The following RAI1 variants were observed in gnomAD, a reference collection of about 807,000 sequenced individuals.
The protein encoded by RAI1 is retinoic acid-induced protein 1.
Under a neutral mutation model 123.8 loss-of-function variants are expected in RAI1, and 9 were observed. The ratio of observed to expected loss-of-function variants is 0.07; its 90% confidence interval spans 0.04 to 0.13. The LOEUF is 0.13. RAI1 is among the 10% of genes least tolerant of loss of function. The pLI is 1.00. For missense variants in RAI1, 2,256 were observed against 2,545.8 expected (o/e 0.89, Z 2.45); for synonymous variants, 1,231 against 1,127.3 (o/e 1.09, Z -1.84).
intron 4 of RAI1, among the ~76,000 whole-genome samples, chr17:17,805,104 G>A (rs933740736): frequency 5.3e-4 from 81 of 152,132 alleles, no homozygotes; most frequent in African/African-American, 1.9e-3. Context: ...CTCGTGATCC[G>A]CCCGCCTCAG....
chr17:17,804,510 G>T (rs2143005331), intron 4 of RAI1, among the ~76,000 whole-genome samples: 1 of 152,322 alleles, frequency 6.6e-6, no homozygotes, highest in East Asian at 1.9e-4. Flanking sequence ...TATCGACCAG[G>T]TGGGGAAACT....
At chr17:17,765,682 C>T (rs1297338731) in intron 2 of RAI1, 2 of 152,352 alleles carry the variant, frequency 1.3e-5, no homozygotes, top group South Asian at 4.1e-4. Flanking sequence ...GAAGACGGCC[C>T]ATCTTTTAAG....
chr17:17,692,031 C>T (rs1914854046), intron 1 of RAI1, among the ~76,000 whole-genome samples: 1 of 152,204 alleles, frequency 6.6e-6, no homozygotes, highest in Non-Finnish European at 1.5e-5. Flanking sequence ...CCCGAAATAG[C>T]ACTAAAACAG....
chr17:17,688,725 G>A lies in RAI1; in HGVS notation c.-149+6932G>A, dbSNP rs142767819. Among the ~76,000 whole-genome samples, 477 of 147,076 alleles carry A rather than the reference G, an allele frequency of 3.2e-3. 6 individuals are homozygous for A. The highest frequency in any genetic ancestry group is 0.027 in the East Asian group (126 of 4,750). ...ATTGATTCTCCTGCCTCAGCCTCCC[G>A]AGTAGCTGGGACTACAGGTGTGCGC... is the stretch of plus-strand genomic sequence containing the variant. On this transcript the variant is annotated intron_variant, in intron 1 of 5. Transcript: ENST00000353383.
At chr17:17,724,406 C>CTTTTTTT (rs771760855) in intron 2 of RAI1, among the ~76,000 whole-genome samples, 2 of 103,758 alleles carry the variant, frequency 1.9e-5, no homozygotes, top group African/African-American at 3.9e-5. Flanking sequence ...TCTTTCTTTC[C>CTTTTTTT]TTTTTTTTTT....
chr17:17,693,059 G>A (rs562631344), intron 1 of RAI1, among the ~76,000 whole-genome samples: 38 of 152,380 alleles, frequency 2.5e-4, no homozygotes, highest in African/African-American at 8.7e-4. Context: ...CGCTCAGGCT[G>A]TGTAGGGCTT....
rs772094366 is a variant in RAI1, at chr17:17,798,436, G to A, written c.5488G>A (p.Val1830Met). Residue 1830 changes from valine to methionine, a missense_variant, in exon 3 of 6, where the codon GTG (valine) becomes ATG (methionine). Val to Met is a conservative substitution (Grantham distance 21). Transcript: ENST00000353383. ...QEHWVHEACA[V>M]WTGGVYLVAG... ...GCACTGGGTGCATGAGGCCTGTGCC[G>A]TGTGGACCGGCGGCGTCTACCTGGT... 4.3e-6 allele frequency: 7 copies of A among 1,609,888 alleles called. No homozygotes were observed. The highest frequency in any genetic ancestry group is 1.1e-5 in the South Asian group (1 of 90,926).
At chr17:17,792,559 G>A (rs2032054620) in intron 2 of RAI1, among the ~76,000 whole-genome samples, 2 of 141,432 alleles carry the variant, frequency 1.4e-5, no homozygotes. Context: ...GGGACATTGG[G>A]GAGGAGCTGG....
At chr17:17,696,551 TC>T (rs934681908) in intron 1 of RAI1, among the ~76,000 whole-genome samples, 6 of 152,262 alleles carry the variant, frequency 3.9e-5, no homozygotes, top group Non-Finnish European at 8.8e-5. Context: ...TGGGAGAACT[TC>T]CGAGATGAGG....
At chr17:17,722,755 C>T (rs1915926371) in intron 1 of RAI1, among the ~76,000 whole-genome samples, 1 of 152,218 alleles carries the variant, frequency 6.6e-6, no homozygotes, top group South Asian at 2.1e-4. Flanking sequence ...TCTAGGACCG[C>T]GGGGCCGGCA....
chr17:17,728,529 C>A (rs542081110), intron 2 of RAI1, among the ~76,000 whole-genome samples: 1 of 152,292 alleles, frequency 6.6e-6, no homozygotes, highest in Non-Finnish European at 1.5e-5. Context: ...AGCCACAGCC[C>A]ACGGAGGGGA....
intron 1 of RAI1, among the ~76,000 whole-genome samples, chr17:17,688,545 A>G (rs1351967651): frequency 6.6e-6 from 1 of 152,164 alleles, no homozygotes; most frequent in African/African-American, 2.4e-5. Flanking sequence ...GCTGCTGCAC[A>G]GTTCCTCAGC....
At chr17:17,739,424 G>A (rs1447452398) in intron 2 of RAI1, among the ~76,000 whole-genome samples, 1 of 152,226 alleles carries the variant, frequency 6.6e-6, no homozygotes, top group African/African-American at 2.4e-5. Flanking sequence ...TAGCAGCCCT[G>A]ACCAGGAGGG....
intron 1 of RAI1, among the ~76,000 whole-genome samples, chr17:17,716,419 T>C (rs1381837827): frequency 6.6e-6 from 1 of 152,260 alleles, no homozygotes; most frequent in Non-Finnish European, 1.5e-5. Flanking sequence ...TATACATCTC[T>C]GCATGTAGCT....
chr17:17,695,697 T>A (rs1915007848), intron 1 of RAI1, among the ~76,000 whole-genome samples: 1 of 152,198 alleles, frequency 6.6e-6, no homozygotes, highest in Admixed American at 6.5e-5. Flanking sequence ...TTTTTTTGTA[T>A]TTTTAGTAGA....
rs1337881858 is a variant in RAI1 at position 17,809,982 on chromosome 17, T to C, written c.*1T>C. ...GCGTCTTTTGCAGAGGCTGCCGTAG[T>C]AATCCACCCCAACGGCCGGAGGAGC... On this transcript the variant is annotated 3_prime_UTR_variant, in exon 6 of 6. Transcript: ENST00000353383. The surrounding 1 kb of genome is among the most constrained non-coding windows in gnomAD (Gnocchi z 4.9). The C allele has an allele frequency of 7.1e-6, 11 of 1,551,412 alleles. No homozygotes were observed. The highest frequency in any genetic ancestry group is 2.7e-5 in the African/African-American group (2 of 72,990).
chr17:17,766,861 TG>T (rs1567886072), intron 2 of RAI1, among the ~76,000 whole-genome samples: 1 of 151,412 alleles, frequency 6.6e-6, no homozygotes, highest in African/African-American at 2.4e-5. Context: ...TGGAGATAGA[TG>T]GTGGCAGGGG....
chr17:17,779,043 C>G (rs1225447260), intron 2 of RAI1: 3 of 378,480 alleles, frequency 7.9e-6, no homozygotes, highest in African/African-American at 6.3e-5. Context: ...GCCCAGTTGC[C>G]CTCGCCTGGT....
chr17:17,756,595 T>C (rs950409599), intron 2 of RAI1, among the ~76,000 whole-genome samples: 3 of 152,232 alleles, frequency 2.0e-5, no homozygotes, highest in African/African-American at 7.2e-5. Flanking sequence ...TAAAGGTAGA[T>C]GCAGTCAAGT....
Sources: gnomAD v4.1 joint callset for allele counts (sites outside exome capture counted in the v4.1 genomes callset) on GRCh38, gnomAD v4.1.1 for gene constraint, Gnocchi (gnomAD v3.1) non-coding constraint, MANE v1.5 for transcripts, NCBI Gene and HGNC (gene_info 2026-07-23, HGNC 2026-07-21) for gene names.